DNAH3: variants seen among roughly 807,000 people sequenced by gnomAD.
DNAH3 encodes the protein axonemal beta dynein heavy chain 3.
DNAH3 carries 332 observed loss-of-function variants against 432.5 expected under a neutral mutation model. The ratio of observed to expected loss-of-function variants is 0.77; its 90% CI spans 0.70 to 0.84. The LOEUF (loss-of-function observed/expected upper bound fraction) is 0.84. Among genes scored for constraint, DNAH3 ranks in the 40% least tolerant of loss-of-function variants. The probability of loss-of-function intolerance (pLI) is 0.00; values close to 1 mark genes in which losing one functional copy is unlikely to be tolerated. For synonymous variants in DNAH3, 1,956 were observed against 1,900.2 expected, an observed-to-expected ratio of 1.03 and a Z score of -0.76; for missense variants, 4,861 against 5,114.0, an observed-to-expected ratio of 0.95 and a Z score of 1.51.
Position 21,050,785 on chromosome 16 carries a change from T to C in DNAH3, c.4239-767A>G, listed in dbSNP as rs528699742. Among the ~76,000 whole-genome samples, 21 of 152,328 alleles carry C rather than the reference T, an allele frequency of 1.4e-4. No individual in the cohort carries two copies. In the South Asian group the frequency reaches 1.5e-3, roughly 11 times the overall value. On this transcript the variant is annotated intron_variant, in intron 29 of 61. Transcript: ENST00000261383. ...AGTTCAGGAATCATATTTGATTCCA[T>C]TTCATAACCTCAGTAAATTAATACA...
In DNAH3 at chr16:21,130,079, G is replaced by A. The variant is rs538009685; in HGVS notation, c.1083-2267C>T. The A allele has an allele frequency of 2.9e-5, 3 of 104,392 alleles. 1 individual carries two copies. The highest frequency in any genetic ancestry group is 1.2e-4 in the Admixed American group (1 of 8,348). The allele number at this position is 104,392 out of a possible 1,614,324, so 6.5% of individuals were successfully genotyped here. On this transcript the variant is annotated intron_variant, in intron 7 of 61. Transcript: ENST00000261383. ...TTGTTAAATGAATGAATGAATGAATGACTAAATAAATGAAAAAAAAAAAAA... is the reference window on the plus strand; with the variant it reads ...TTGTTAAATGAATGAATGAATGAATAACTAAATAAATGAAAAAAAAAAAAA...
chr16:21,039,775 A>G lies in DNAH3; in HGVS notation c.4730+77T>C, dbSNP rs2089343578. ...CTTCTCTCTCTTCTTCCAATGGGCAAACCACCTTGAATCTGCCACGCAAAA... is the reference window on the plus strand; with the variant it reads ...CTTCTCTCTCTTCTTCCAATGGGCAGACCACCTTGAATCTGCCACGCAAAA... On this transcript the variant is annotated intron_variant, in intron 33 of 61. Coordinates refer to ENST00000261383, the Ensembl canonical transcript of DNAH3. The G allele has an allele frequency of 2.8e-6, 3 of 1,088,004 alleles. No homozygotes were observed. In the African/African-American group the frequency reaches 4.7e-5, roughly 17 times the overall value. 67.4% of individuals were successfully genotyped at this position (1,088,004 alleles called of 1,614,324 possible). A position where few individuals can be genotyped will look rare whatever the true frequency, so the allele number is the denominator to read the frequency against.
At chr16:20,963,158 A>T in intron 53 of DNAH3, 126 bp downstream of exon 53, 1 of 894,908 alleles carries the variant, frequency 1.1e-6, no homozygotes, top group Non-Finnish European at 1.7e-6. Flanking sequence ...GCTCCACCTC[A>T]GCCTATGAAC....
chr16:21,060,514 C>CTTTTTTTTTTTTTT (rs369321873), intron 25 of DNAH3, among the ~76,000 whole-genome samples, 158 bp from the exon 26 acceptor site: 2 of 127,280 alleles, frequency 1.6e-5, no homozygotes, highest in Non-Finnish European at 3.2e-5. Flanking sequence ...TTCTTTTTTT[C>CTTTTTTTTTTTTTT]TTTTTTTTTT....
chr16:20,938,484 C>T (rs991304485), intron 59 of DNAH3, among the ~76,000 whole-genome samples: 1 of 151,982 alleles, frequency 6.6e-6, no homozygotes, highest in African/African-American at 2.4e-5. Flanking sequence ...CACCACAGAC[C>T]TCTATTATAC....
At chr16:21,113,641 T>C (rs1013224050) in intron 12 of DNAH3, among the ~76,000 whole-genome samples, 4 of 152,162 alleles carry the variant, frequency 2.6e-5, no homozygotes, top group African/African-American at 7.2e-5. Flanking sequence ...GTATTTTTAA[T>C]AGAGACAGAA....
chr16:21,136,292 TC>T, intron 6 of DNAH3, 31 bp downstream of exon 7: 1 of 1,601,602 alleles, frequency 6.2e-7, no homozygotes, highest in Non-Finnish European at 8.5e-7. Flanking sequence ...ACATAGAAGC[TC>T]CCCAGCCCCC....
chr16:21,021,987 C>T (rs778064873), exon 40 of DNAH3: 2 of 1,613,682 alleles, frequency 1.2e-6, no homozygotes, highest in Non-Finnish European at 8.5e-7. Flanking sequence ...GAGAAGAGTA[C>T]AGTCTCATCA....
chr16:21,020,568 A>C (rs1363036886), intron 40 of DNAH3, among the ~76,000 whole-genome samples: 1 of 148,218 alleles, frequency 6.7e-6, no homozygotes, highest in African/African-American at 2.5e-5. Context: ...TCACCCTGCT[A>C]ATTTTTGTAT....
intron 19 of DNAH3, among the ~76,000 whole-genome samples, chr16:21,084,516 T>G (rs1398692021): frequency 2.0e-5 from 3 of 152,118 alleles, no homozygotes; most frequent in Non-Finnish European, 4.4e-5. Flanking sequence ...GATGGGGTTT[T>G]GCAGTGTTGG....
At chr16:20,984,161 ATGTGTGTG>A (rs61445558) in intron 48 of DNAH3, among the ~76,000 whole-genome samples, 2 of 150,610 alleles carry the variant, frequency 1.3e-5, no homozygotes, top group Non-Finnish European at 3.0e-5. Flanking sequence ...CCTTATCCCA[ATGTGTGTG>A]TGTGTGTGTG....
At chr16:20,964,525 T>G in exon 53 of DNAH3, 1 of 1,614,196 alleles carries the variant, frequency 6.2e-7, no homozygotes, top group East Asian at 2.2e-5. Context: ...GGTGCCTAAC[T>G]GCAGCGCGTT....
chr16:20,954,913 G>A (rs770502954), exon 55 of DNAH3: 2 of 1,614,192 alleles, frequency 1.2e-6, no homozygotes, highest in Admixed American at 3.3e-5. Context: ...AGCTTTGGAA[G>A]AACACAGGAT....
chr16:20,969,704 G>A (rs552861188), intron 52 of DNAH3, 88 bp downstream of exon 52: 329 of 1,431,610 alleles, frequency 2.3e-4, no homozygotes, highest in Non-Finnish European at 2.9e-4. Flanking sequence ...CTGCACGCCT[G>A]CAGTCGACTT....
At chr16:21,018,059 C>T (rs1426285552) in intron 41 of DNAH3, among the ~76,000 whole-genome samples, 1 of 151,994 alleles carries the variant, frequency 6.6e-6, no homozygotes, top group Non-Finnish European at 1.5e-5. Flanking sequence ...AATACTTTGG[C>T]GTGCTTCTTA....
chr16:21,041,137 G>A (rs1255488250), intron 32 of DNAH3, among the ~76,000 whole-genome samples: 4 of 152,134 alleles, frequency 2.6e-5, no homozygotes, highest in African/African-American at 7.2e-5. Context: ...TTGGGAGGCC[G>A]AGGCAGGCAA....
chr16:21,085,796 G>T (rs12185176), intron 19 of DNAH3, among the ~76,000 whole-genome samples: 55,541 of 151,376 alleles, frequency 0.37, 10,435 homozygotes, highest in South Asian at 0.6. Flanking sequence ...TGGCTTTTTT[G>T]TCCCCCCGTT....
intron 23 of DNAH3, among the ~76,000 whole-genome samples, chr16:21,068,359 G>T (rs1438524234): frequency 6.6e-6 from 1 of 150,932 alleles, no homozygotes; most frequent in Admixed American, 6.6e-5. Flanking sequence ...CTGTTGCCCA[G>T]GCTAGAGTGC....
intron 7 of DNAH3, among the ~76,000 whole-genome samples, chr16:21,130,728 C>G (rs1483419210): frequency 1.3e-5 from 2 of 152,124 alleles, no homozygotes; most frequent in Admixed American, 1.3e-4. Flanking sequence ...GGTAAAAAGC[C>G]TTTCTTCTCA....
Sources: gnomAD v4.1 joint callset for allele counts (sites outside exome capture counted in the v4.1 genomes callset) on GRCh38, gnomAD v4.1.1 for gene constraint, MANE v1.5 for transcripts, NCBI Gene and HGNC (gene_info 2026-07-23, HGNC 2026-07-21) for gene names.